The following CIMIP3 variants were observed in gnomAD, a reference collection of about 807,000 sequenced individuals.
CIMIP3 encodes ciliary microtubule inner protein 3.
At chr6:42,162,599 A>T in the CIMIP3 span, among the ~76,000 whole-genome samples, 2 of 146,198 alleles carry the variant, frequency 1.4e-5, no homozygotes, top group Non-Finnish European at 3.0e-5. Flanking sequence ...AGCCAGGCCA[A>T]GGACACGGAC....
At chr6:42,163,024 C>G in the CIMIP3 span, 1 of 717,302 alleles carries the variant, frequency 1.4e-6, no homozygotes, top group Non-Finnish European at 2.6e-6. Context: ...AGCAGGACCT[C>G]GAGCAGTCTC....
At chr6:42,162,964 G>A in the CIMIP3 span, 291 of 699,614 alleles carry the variant, frequency 4.2e-4, no homozygotes, top group East Asian at 4.1e-3. Flanking sequence ...CAAAGACACC[G>A]TCATGCAAGG....
chr6:42,163,348 T>A, the CIMIP3 span: 2 of 435,924 alleles, frequency 4.6e-6, no homozygotes, highest in Non-Finnish European at 8.3e-6. Context: ...GTGACCTATA[T>A]TCGGGCTAAG....
the CIMIP3 span, among the ~76,000 whole-genome samples, chr6:42,160,314 T>C: frequency 6.6e-6 from 1 of 152,202 alleles, no homozygotes; most frequent in Non-Finnish European, 1.5e-5. Flanking sequence ...ATGACCACTA[T>C]CACAGTTCAT....
At chr6:42,158,106 G>C in the CIMIP3 span, among the ~76,000 whole-genome samples, 2 of 152,198 alleles carry the variant, frequency 1.3e-5, no homozygotes, top group Non-Finnish European at 2.9e-5. Context: ...ATGATCTAAA[G>C]TCACATACAC....
At chr6:42,161,421 T>A in the CIMIP3 span, among the ~76,000 whole-genome samples, 1 of 152,004 alleles carries the variant, frequency 6.6e-6, no homozygotes, top group South Asian at 2.1e-4. Context: ...GCAGGATGGA[T>A]GATTGCCTAC....
the CIMIP3 span, chr6:42,162,994 G>C: frequency 1.4e-6 from 1 of 715,268 alleles, no homozygotes; most frequent in Non-Finnish European, 2.6e-6. Flanking sequence ...CTCCACACTC[G>C]TCCCGGCCCC....
the CIMIP3 span, among the ~76,000 whole-genome samples, chr6:42,160,778 A>G: frequency 1.3e-5 from 2 of 152,174 alleles, no homozygotes; most frequent in African/African-American, 4.8e-5. Flanking sequence ...AATTTCAAAA[A>G]CTGCAAATTT....
At chr6:42,155,667 C>T in the CIMIP3 span, 51 of 716,068 alleles carry the variant, frequency 7.1e-5, 1 homozygote, top group South Asian at 1.6e-4. Flanking sequence ...CCCCAGCTGT[C>T]GGACCTCTGC....
chr6:42,163,230 T>G, the CIMIP3 span: 1 of 593,342 alleles, frequency 1.7e-6, no homozygotes, highest in East Asian at 2.9e-5. Context: ...CCTGCCAACT[T>G]GGTCTTGTGG....
the CIMIP3 span, chr6:42,163,030 G>A: frequency 5.6e-6 from 4 of 717,432 alleles, no homozygotes; most frequent in Admixed American, 4.0e-5. Context: ...ACCTCGAGCA[G>A]TCTCTGGCAG....
At chr6:42,160,169 T>TA in the CIMIP3 span, among the ~76,000 whole-genome samples, 1 of 151,448 alleles carries the variant, frequency 6.6e-6, no homozygotes, top group Non-Finnish European at 1.5e-5. Flanking sequence ...ATTTTTTTTT[T>TA]ATAGAGACAA....
chr6:42,161,552 G>A, the CIMIP3 span, among the ~76,000 whole-genome samples: 1 of 152,170 alleles, frequency 6.6e-6, no homozygotes, highest in Non-Finnish European at 1.5e-5. Context: ...GTCACAGGAA[G>A]GGTAGTGACA....
the CIMIP3 span, among the ~76,000 whole-genome samples, chr6:42,155,947 G>A: frequency 6.6e-6 from 1 of 152,174 alleles, no homozygotes; most frequent in African/African-American, 2.4e-5. Context: ...TTGAGGTACA[G>A]AGATTATAAT....
chr6:42,155,537 C>T, the CIMIP3 span: 1 of 717,218 alleles, frequency 1.4e-6, no homozygotes, highest in Admixed American at 2.0e-5. Flanking sequence ...CACAAGAAGC[C>T]TGATGGGCAG....
the CIMIP3 span, among the ~76,000 whole-genome samples, chr6:42,156,337 T>C: frequency 2.4e-4 from 36 of 149,872 alleles, no homozygotes; most frequent in African/African-American, 8.1e-4. Context: ...TTTTATAAAA[T>C]AGAGATGAGG....
the CIMIP3 span, among the ~76,000 whole-genome samples, chr6:42,157,552 T>C: frequency 1.4e-5 from 2 of 146,254 alleles, no homozygotes; most frequent in Non-Finnish European, 3.0e-5. Context: ...GCCGGCTCTT[T>C]TTTCTTTTTT....
the CIMIP3 span, chr6:42,162,901 C>G: frequency 4.9e-6 from 3 of 613,160 alleles, no homozygotes; most frequent in African/African-American, 5.6e-5. Flanking sequence ...CAGCTCTCCC[C>G]TTCTTTCCCC....
At chr6:42,156,391 G>A in the CIMIP3 span, among the ~76,000 whole-genome samples, 1 of 150,788 alleles carries the variant, frequency 6.6e-6, no homozygotes, top group South Asian at 2.1e-4. Flanking sequence ...TTGAGCTCAA[G>A]CAATCCTCCC....
Sources: allele counts gnomAD v4.1 joint callset (sites outside exome capture counted in the v4.1 genomes callset), GRCh38; gene constraint gnomAD v4.1.1; transcripts MANE v1.5; gene names NCBI Gene and HGNC (gene_info 2026-07-23, HGNC 2026-07-21).